KAZN: variants seen among roughly 807,000 people sequenced by gnomAD.
KAZN encodes the protein kazrin, periplakin interacting protein.
KAZN carries 40 observed loss-of-function variants against 87.4 expected under a neutral mutation model. The ratio of observed to expected loss-of-function variants is 0.46; its 90% CI spans 0.36 to 0.60. KAZN has a LOEUF of 0.60. Ranked by LOEUF, KAZN falls within the 20% of genes least tolerant of loss-of-function variation. The pLI is 0.00. For missense variants in KAZN, 898 were observed against 1,073.9 expected (o/e 0.84, Z 2.29); for synonymous variants, 466 against 458.3 (o/e 1.02, Z -0.22).
At chr1:14,855,281 T>C (rs1649954414) in intron 1 of KAZN, among the ~76,000 whole-genome samples, 1 of 152,252 alleles carries the variant, frequency 6.6e-6, no homozygotes, top group African/African-American at 2.4e-5. Context: ...TTGCATTTTG[T>C]TCTGGGTGGA....
intron 1 of KAZN, among the ~76,000 whole-genome samples, chr1:14,882,850 T>C (rs1332930711): frequency 1.3e-5 from 2 of 152,190 alleles, no homozygotes; most frequent in African/African-American, 4.8e-5. Context: ...AAGTAGGGAC[T>C]GACATCATCC....
chr1:14,369,663 C>T (rs1215897418), intron 2 of KAZN, among the ~76,000 whole-genome samples: 2 of 150,984 alleles, frequency 1.3e-5, no homozygotes, highest in African/African-American at 2.4e-5. Flanking sequence ...GCACATCTCT[C>T]GAGGAAGGTA....
At chr1:15,079,905 TA>T (rs1325041646) in intron 8 of KAZN, among the ~76,000 whole-genome samples, 1 of 152,220 alleles carries the variant, frequency 6.6e-6, no homozygotes, top group Non-Finnish European at 1.5e-5. Flanking sequence ...GATGTATAGA[TA>T]TATATGTAAA....
chr1:14,980,081 G>A (rs1383970502), intron 2 of KAZN, among the ~76,000 whole-genome samples: 2 of 152,014 alleles, frequency 1.3e-5, no homozygotes, highest in Admixed American at 1.3e-4. Flanking sequence ...TAGAGATGGG[G>A]TTTCACCATA....
chr1:15,069,164 C>A (rs896217895), intron 8 of KAZN, among the ~76,000 whole-genome samples: 1 of 152,118 alleles, frequency 6.6e-6, no homozygotes, highest in South Asian at 2.1e-4. Flanking sequence ...CACACGCATG[C>A]CCCTACTCCC....
chr1:14,552,270 C>T (rs923515452), intron 2 of KAZN, among the ~76,000 whole-genome samples: 11 of 152,186 alleles, frequency 7.2e-5, no homozygotes, highest in East Asian at 1.9e-4. Context: ...AGATCTTGAG[C>T]GGTTCATTTC....
At chr1:14,524,763 G>A (rs189285993) in intron 2 of KAZN, among the ~76,000 whole-genome samples, 34 of 152,290 alleles carry the variant, frequency 2.2e-4, no homozygotes, top group African/African-American at 7.9e-4. Context: ...CAGTACCTAA[G>A]GGGTGTTTTA....
intron 2 of KAZN, among the ~76,000 whole-genome samples, chr1:14,579,876 G>A (rs779494345): frequency 6.6e-6 from 1 of 151,926 alleles, no homozygotes; most frequent in Non-Finnish European, 1.5e-5. Flanking sequence ...ATTAATAAGC[G>A]GCAGAGAACC....
chr1:14,091,985 T>C (rs534570451), intron 1 of KAZN, among the ~76,000 whole-genome samples: 16 of 152,318 alleles, frequency 1.1e-4, no homozygotes, highest in African/African-American at 3.6e-4. Context: ...TGATGATTAT[T>C]GTTGCTACTG....
intron 1 of KAZN, among the ~76,000 whole-genome samples, chr1:14,070,183 A>G (rs1643193014): frequency 6.7e-6 from 1 of 148,846 alleles, no homozygotes; most frequent in Non-Finnish European, 1.5e-5. Context: ...AAAAAAAAGT[A>G]AATAAATAAA....
intron 1 of KAZN, among the ~76,000 whole-genome samples, chr1:14,730,325 G>A (rs373155012): frequency 1.4e-4 from 22 of 152,126 alleles, no homozygotes; most frequent in East Asian, 1.2e-3. Context: ...CTTGTAATCC[G>A]CCCGCCTCGG....
chr1:14,679,044 C>T (rs1640411507), intron 1 of KAZN, among the ~76,000 whole-genome samples: 1 of 152,206 alleles, frequency 6.6e-6, no homozygotes, highest in South Asian at 2.1e-4. Context: ...TTTTGCAAGC[C>T]TACTATGTGC....
At position 14,774,468 on chromosome 1, in the gene KAZN, ATT is replaced by A. The variant is rs35723980; in HGVS notation, c.226+175264_226+175265del. On this transcript the variant is annotated intron_variant, in intron 1 of 14. Coordinates refer to ENST00000376030, the MANE Select transcript of KAZN (RefSeq NM_201628.3). ...CTACCTTTTCTTGGTTCTTGAACAG[ATT>A]TTTTTTTTTTTTTTTTTTGAGACAA... is the stretch of plus-strand genomic sequence containing the variant. Among the ~76,000 whole-genome samples the A allele has an allele frequency of 1.7e-3, 218 of 131,184 alleles. 1 individual carries two copies. The highest frequency in any genetic ancestry group is 0.015 in the South Asian group (59 of 4,042). 86.1% of individuals were successfully genotyped at this position (131,184 alleles called of 152,430 possible).
intron 2 of KAZN, among the ~76,000 whole-genome samples, chr1:14,393,645 C>A (rs1158375712): frequency 1.3e-5 from 2 of 152,000 alleles, no homozygotes; most frequent in African/African-American, 2.4e-5. Context: ...CAATTAATAT[C>A]TGTGCTTGGA....
chr1:14,308,431 T>C (rs1467852857), intron 2 of KAZN, among the ~76,000 whole-genome samples: 1 of 152,222 alleles, frequency 6.6e-6, no homozygotes, highest in African/African-American at 2.4e-5. Context: ...GTAAAATATA[T>C]GCAAAGAATA....
chr1:14,685,465 A>T (rs568324489), intron 1 of KAZN, among the ~76,000 whole-genome samples: 1 of 152,216 alleles, frequency 6.6e-6, no homozygotes, highest in Non-Finnish European at 1.5e-5. Flanking sequence ...ATGTGCACCC[A>T]TGTACTGAGG....
At chr1:15,013,669 C>A (rs1043341280) in intron 2 of KAZN, among the ~76,000 whole-genome samples, 1 of 151,590 alleles carries the variant, frequency 6.6e-6, no homozygotes, top group Admixed American at 6.6e-5. Flanking sequence ...GCGGGAGAAT[C>A]GCTTGAGCCT....
chr1:14,962,452 G>A (rs897472084), intron 2 of KAZN, among the ~76,000 whole-genome samples: 44 of 152,182 alleles, frequency 2.9e-4, no homozygotes, highest in African/African-American at 9.4e-4. Flanking sequence ...CCAAGTAGGC[G>A]TACTTTTCCT....
In KAZN at chr1:14,110,856, T is replaced by C. The variant is rs148454122; in HGVS notation, c.92-69579T>C. Among the ~76,000 whole-genome samples, 4 of 135,580 alleles carry C rather than the reference T, an allele frequency of 3.0e-5. 2 individuals are homozygous for C. In the East Asian group the frequency reaches 1.2e-3, roughly 39 times the overall value. The allele number at this position is 135,580 out of a possible 152,430, so 88.9% of individuals were successfully genotyped here. A position where few individuals can be genotyped will look rare whatever the true frequency, so the allele number is the denominator to read the frequency against. ...CATGTTAAGATGACAATGACGATGTTTTGGCTGTGCTAAATAAAATATATA... is the reference window on the plus strand; with the variant it reads ...CATGTTAAGATGACAATGACGATGTCTTGGCTGTGCTAAATAAAATATATA... On this transcript the variant is annotated intron_variant, in intron 1 of 16. Coordinates refer to the KAZN transcript ENST00000636203.
Sources: gnomAD v4.1 joint callset for allele counts (sites outside exome capture counted in the v4.1 genomes callset) on GRCh38, gnomAD v4.1.1 for gene constraint, MANE v1.5 for transcripts, NCBI Gene and HGNC (gene_info 2026-07-23, HGNC 2026-07-21) for gene names.